CDH13: variants seen among roughly 807,000 people sequenced by gnomAD.
CDH13 encodes cadherin 13, also known as cadherin-13.
A neutral mutation model predicts 63.8 loss-of-function variants in CDH13; 24 were observed. The ratio of observed to expected loss-of-function variants is 0.38; its 90% CI spans 0.27 to 0.53. The LOEUF (loss-of-function observed/expected upper bound fraction) is 0.53. CDH13 is among the 20% of genes least tolerant of loss of function. The probability of loss-of-function intolerance (pLI) is 0.85; values close to 1 mark genes in which losing one functional copy is unlikely to be tolerated. For missense variants in CDH13, 1,049 were observed against 903.1 expected, an observed-to-expected ratio of 1.16 and a Z score of -2.07; for synonymous variants, 503 against 355.3, an observed-to-expected ratio of 1.42 and a Z score of -4.67.
At chr16:83,371,090 A>G (rs1038600655) in intron 6 of CDH13, among the ~76,000 whole-genome samples, 1 of 152,238 alleles carries the variant, frequency 6.6e-6, no homozygotes, top group Non-Finnish European at 1.5e-5. Context: ...GCTAGTGGGA[A>G]TGTAAGTTAG....
At chr16:83,379,020 C>CACACAG (rs2091508140) in intron 6 of CDH13, among the ~76,000 whole-genome samples, 1 of 151,840 alleles carries the variant, frequency 6.6e-6, no homozygotes, top group Non-Finnish European at 1.5e-5. Context: ...CACACACACA[C>CACACAG]ACACACGTGT....
At chr16:83,340,993 T>C (rs1167697771) in intron 5 of CDH13, among the ~76,000 whole-genome samples, 1 of 152,132 alleles carries the variant, frequency 6.6e-6, no homozygotes, top group East Asian at 1.9e-4. Context: ...GCCTGGGTGG[T>C]TTCCATTTCC....
At chr16:82,743,452 C>A (rs551477747) in intron 1 of CDH13, among the ~76,000 whole-genome samples, 1 of 152,140 alleles carries the variant, frequency 6.6e-6, no homozygotes, top group African/African-American at 2.4e-5. Flanking sequence ...TAGTCTCAAA[C>A]GATCCACTCA....
chr16:82,817,191 T>A (rs1320410258), intron 1 of CDH13, among the ~76,000 whole-genome samples: 1 of 152,008 alleles, frequency 6.6e-6, no homozygotes, highest in Non-Finnish European at 1.5e-5. Flanking sequence ...CAGGTACCTG[T>A]TCCTTTTTCT....
At chr16:83,393,379 T>C (rs1367902622) in intron 6 of CDH13, among the ~76,000 whole-genome samples, 2 of 152,200 alleles carry the variant, frequency 1.3e-5, no homozygotes, top group Non-Finnish European at 2.9e-5. Context: ...TTTATGATGA[T>C]GGATGACTGG....
intron 1 of CDH13, among the ~76,000 whole-genome samples, chr16:82,829,875 C>A (rs1442960686): frequency 6.6e-6 from 1 of 152,180 alleles, no homozygotes; most frequent in African/African-American, 2.4e-5. Flanking sequence ...CTCATCATTT[C>A]CATTTGTCAA....
chr16:83,733,992 T>C (rs1279865906), intron 10 of CDH13, among the ~76,000 whole-genome samples: 1 of 152,180 alleles, frequency 6.6e-6, no homozygotes, highest in Non-Finnish European at 1.5e-5. Context: ...TTTATTCTGC[T>C]TTTTGCTCTT....
chr16:83,050,662 G>A (rs571154566), intron 3 of CDH13, among the ~76,000 whole-genome samples: 2 of 152,070 alleles, frequency 1.3e-5, no homozygotes, highest in East Asian at 3.9e-4. Flanking sequence ...CAAATTTATA[G>A]CTTCATTTCT....
chr16:83,019,529 T>C (rs1915141065), intron 2 of CDH13, among the ~76,000 whole-genome samples: 1 of 146,464 alleles, frequency 6.8e-6, no homozygotes, highest in African/African-American at 2.5e-5. Flanking sequence ...AGGGTCTCGC[T>C]CTGTCACCCA....
At chr16:83,085,900 A>G (rs925969048) in intron 3 of CDH13, among the ~76,000 whole-genome samples, 5 of 152,202 alleles carry the variant, frequency 3.3e-5, no homozygotes, top group East Asian at 1.9e-4. Flanking sequence ...ATTCTTTAGA[A>G]TACCTATTAA....
In CDH13 at chr16:82,891,387, T is replaced by C. The variant is rs2041076811; in HGVS notation, c.157+32914T>C. On this transcript the variant is annotated intron_variant, in intron 2 of 13. Coordinates refer to ENST00000567109, the MANE Select transcript of CDH13 (RefSeq NM_001257.5). ...AATTTCTGTTCTGGAGTTGGGCATC[T>C]CTTCAAGGTTAAGACTCAAGGGCTG... 2.0e-5 allele frequency among the ~76,000 whole-genome samples: 3 copies of C among 152,212 alleles called. No homozygotes were observed. In the South Asian group the frequency reaches 6.2e-4, roughly 31 times the overall value.
intron 7 of CDH13, among the ~76,000 whole-genome samples, chr16:83,517,897 A>G (rs1346610651): frequency 6.6e-6 from 1 of 152,034 alleles, no homozygotes; most frequent in Non-Finnish European, 1.5e-5. Context: ...TTTCACAGCA[A>G]CTCTGAGGTC....
chr16:83,592,422 A>C (rs1164571188), intron 7 of CDH13, among the ~76,000 whole-genome samples: 1 of 152,234 alleles, frequency 6.6e-6, no homozygotes, highest in Non-Finnish European at 1.5e-5. Context: ...TTTGAGCCTA[A>C]TAGACACTAA....
intron 1 of CDH13, among the ~76,000 whole-genome samples, chr16:82,856,899 C>A (rs2039724929): frequency 6.6e-6 from 1 of 151,934 alleles, no homozygotes; most frequent in Non-Finnish European, 1.5e-5. Context: ...GTGATCTCAC[C>A]AGAGGGGTGA....
chr16:83,295,229 C>G (rs928103610), intron 5 of CDH13, among the ~76,000 whole-genome samples: 37 of 152,102 alleles, frequency 2.4e-4, no homozygotes, highest in African/African-American at 8.7e-4. Flanking sequence ...AAAATCAACT[C>G]AAAATGAAAT....
intron 5 of CDH13, among the ~76,000 whole-genome samples, chr16:83,230,205 AC>A (rs2039964380): frequency 6.6e-6 from 1 of 152,212 alleles, no homozygotes. Context: ...CATGAACTCC[AC>A]CAAAGTCACA....
rs142868032 is a variant in CDH13, at chr16:83,467,416, G to C, written c.782-19061G>C. Among the ~76,000 whole-genome samples, 321 of 152,216 alleles carry C rather than the reference G, an allele frequency of 2.1e-3. 1 individual carries two copies. The highest frequency in any genetic ancestry group is 3.4e-3 in the Middle Eastern group (1 of 294). On this transcript the variant is annotated intron_variant, in intron 6 of 13. Transcript: ENST00000567109. ...CACATTCATCTTCCCCAGCCACTTT[G>C]CTGCGTTTCTGAAAAGATAACATAG...
chr16:83,066,359 C>G (rs1270173704), intron 3 of CDH13, among the ~76,000 whole-genome samples: 2 of 152,284 alleles, frequency 1.3e-5, no homozygotes, highest in African/African-American at 4.8e-5. Context: ...GACATGCAGG[C>G]TTCCCAAGAT....
intron 10 of CDH13, among the ~76,000 whole-genome samples, chr16:83,716,019 C>G (rs1317531977): frequency 1.3e-5 from 2 of 152,140 alleles, no homozygotes; most frequent in African/African-American, 4.8e-5. Flanking sequence ...ATGTCATCTT[C>G]TTGGTACAGT....
Sources: gnomAD v4.1 joint callset for allele counts (sites outside exome capture counted in the v4.1 genomes callset) on GRCh38, gnomAD v4.1.1 for gene constraint, MANE v1.5 for transcripts, NCBI Gene and HGNC (gene_info 2026-07-23, HGNC 2026-07-21) for gene names.